SLC5A10: variants seen among roughly 807,000 people sequenced by gnomAD.
The protein encoded by SLC5A10 is solute carrier family 5 member 10, also known as sodium/mannose cotransporter SLC5A10.
A neutral mutation model predicts 68.9 loss-of-function variants in SLC5A10; 55 were observed. That is an observed-to-expected ratio of 0.80 (90% CI 0.64 to 1.00). The LOEUF is 1.00. Ranked by LOEUF, SLC5A10 falls within the 50% of genes least tolerant of loss-of-function variation. The probability of loss-of-function intolerance (pLI) is 0.00; values close to 1 mark genes in which losing one functional copy is unlikely to be tolerated. For synonymous variants in SLC5A10, 344 were observed against 344.8 expected (o/e 1.00, Z 0.02); for missense variants, 732 against 819.3 (o/e 0.89, Z 1.30).
At chr17:18,954,295 G>A (rs1349401060) in intron 1 of SLC5A10, 1 of 152,272 alleles carries the variant, frequency 6.6e-6, no homozygotes, top group East Asian at 1.9e-4. Flanking sequence ...GGCTGTCCTG[G>A]CTAGCACGTC....
At chr17:18,951,177 A>G (rs1010868721), upstream of SLC5A10, among the ~76,000 whole-genome samples, 6 of 152,248 alleles carry the variant, frequency 3.9e-5, no homozygotes, top group Admixed American at 2.6e-4. Context: ...GTCACGAGTC[A>G]TGTCACTGAG....
In SLC5A10 at chr17:19,004,134, C is replaced by T; in HGVS notation, c.983-9276C>T. The T allele has an allele frequency of 6.4e-6, 8 of 1,256,172 alleles. No homozygotes were observed. Among genetic ancestry groups the T allele is most frequent in the Non-Finnish European group, 8.8e-6 (8 of 910,272 alleles). The allele number at this position is 1,256,172 out of a possible 1,614,324, so 77.8% of individuals were successfully genotyped here. Reference sequence around the variant, plus strand: ...GCTGGGGCACCGCGCGCTCGGGGGCCTCTCCGCGGCCTCTGCTTCTCTGCC... The same window carrying T: ...GCTGGGGCACCGCGCGCTCGGGGGCTTCTCCGCGGCCTCTGCTTCTCTGCC... On this transcript the variant is annotated intron_variant, in intron 9 of 14. Coordinates refer to ENST00000395645, the MANE Select transcript of SLC5A10 (RefSeq NM_001042450.4). This position sits in a 1 kb window ranked among gnomAD's most constrained non-coding sequence, Gnocchi z 5.4.
chr17:18,978,746 G>A (rs2043054005), intron 9 of SLC5A10: 1 of 1,612,882 alleles, frequency 6.2e-7, no homozygotes, highest in African/African-American at 1.3e-5. Context: ...CACACTGTGT[G>A]ACATGAGGTA....
intron 5 of SLC5A10, among the ~76,000 whole-genome samples, chr17:18,966,306 T>C (rs944149686): frequency 8.5e-5 from 13 of 152,164 alleles, no homozygotes; most frequent in Non-Finnish European, 1.9e-4. Flanking sequence ...GGTGGCAGCC[T>C]GGAGTGAGGT....
chr17:18,966,771 A>C (rs1172549404), intron 5 of SLC5A10, among the ~76,000 whole-genome samples: 8 of 145,600 alleles, frequency 5.5e-5, no homozygotes, highest in African/African-American at 7.8e-5. Context: ...AAAAAACAAC[A>C]CTCTGCGGTT....
rs1863892473 is a variant in SLC5A10 at position 19,004,132 on chromosome 17, G to A, written c.983-9278G>A. On this transcript the variant is annotated intron_variant, in intron 9 of 14. Coordinates refer to ENST00000395645, the MANE Select transcript of SLC5A10 (RefSeq NM_001042450.4). This position sits in a 1 kb window ranked among gnomAD's most constrained non-coding sequence, Gnocchi z 5.4. ...CAGCTGGGGCACCGCGCGCTCGGGG[G>A]CCTCTCCGCGGCCTCTGCTTCTCTG... The A allele has an allele frequency of 1.6e-6, 2 of 1,273,574 alleles. No individual in the cohort carries two copies. The highest frequency in any genetic ancestry group is 2.2e-6 in the Non-Finnish European group (2 of 925,912). The allele number at this position is 1,273,574 out of a possible 1,614,324, so 78.9% of individuals were successfully genotyped here. A position where few individuals can be genotyped will look rare whatever the true frequency, so the allele number is the denominator to read the frequency against.
intron 8 of SLC5A10, among the ~76,000 whole-genome samples, chr17:18,974,574 G>A (rs1383906225): frequency 2.0e-5 from 3 of 152,196 alleles, no homozygotes; most frequent in South Asian, 2.1e-4. Context: ...CCCTTAGTCA[G>A]TAGCAGCCAC....
At position 19,019,389 on chromosome 17, in the gene SLC5A10, C is replaced by T. The variant is rs369922407; in HGVS notation, c.1242-34C>T. 5.4e-5 allele frequency: 86 copies of T among 1,590,610 alleles called. 1 individual carries two copies. The Middle Eastern group carries it at 1.7e-3, about 32-fold the overall frequency. On this transcript the variant is annotated intron_variant, in intron 11 of 14. Coordinates refer to ENST00000395645, the MANE Select transcript of SLC5A10 (RefSeq NM_001042450.4). ...TGGGAGAGAGCTGAAGAGCCTCCCA[C>T]GACGACCGCTGCCTGCCTTCCACTC...
chr17:18,959,256 T>TGGCGGCCTGTGGGAGGGCC lies in SLC5A10; in HGVS notation c.288+18_288+36dup. On this transcript the variant is annotated intron_variant, in intron 3 of 14. Coordinates refer to ENST00000395645, the MANE Select transcript of SLC5A10 (RefSeq NM_001042450.4). ...GAGTGGAATGTGAGTCCTGGAGGACTGGCGGCCTGTGGGAGGGCCAGGGCA... is the reference window on the plus strand; with the variant it reads ...GAGTGGAATGTGAGTCCTGGAGGACTGGCGGCCTGTGGGAGGGCCGGCGGCCTGTGGGAGGGCCAGGGCA... 6.2e-7 allele frequency: 1 copy of TGGCGGCCTGTGGGAGGGCC among 1,611,030 alleles called. No homozygotes were observed. The highest frequency in any genetic ancestry group is 1.1e-5 in the South Asian group (1 of 91,014).
In SLC5A10 at chr17:19,022,261, C is replaced by G. The variant is rs187397886; in HGVS notation, c.*1830C>G. On this transcript the variant is annotated 3_prime_UTR_variant, in exon 15 of 15. Transcript: ENST00000395645. ...GGTGAGGAGGGGTCTCGGGCAGCAC[C>G]GGAGTTGAACTTTAAGTCCAGATCA... 1 of 547,372 alleles carries G rather than the reference C, an allele frequency of 1.8e-6. No homozygotes were observed. The highest frequency in any genetic ancestry group is 2.0e-5 in the African/African-American group (1 of 50,382). The allele number at this position is 547,372 out of a possible 1,614,324, so 33.9% of individuals were successfully genotyped here. A position where few individuals can be genotyped will look rare whatever the true frequency, so the allele number is the denominator to read the frequency against.
chr17:18,960,946 T>C (rs2042602310), intron 5 of SLC5A10, among the ~76,000 whole-genome samples: 1 of 152,148 alleles, frequency 6.6e-6, no homozygotes. Context: ...GTTCTCGGTC[T>C]GAGGTCAGTT....
intron 10 of SLC5A10, among the ~76,000 whole-genome samples, chr17:19,014,496 C>A (rs1338450250): frequency 6.6e-6 from 1 of 152,192 alleles, no homozygotes; most frequent in African/African-American, 2.4e-5. Flanking sequence ...ATTCCAGAGA[C>A]TGGGGCACTG....
At position 19,013,465 on chromosome 17, in the gene SLC5A10, C is replaced by G; in HGVS notation, c.1038C>G (p.Val346=). Residue 346 remains valine (V), a synonymous_variant, in exon 10 of 15, where the codon GTC becomes GTG. Coordinates refer to ENST00000395645, the MANE Select transcript of SLC5A10 (RefSeq NM_001042450.4). ...GCCTGCGGGCCTGCGGGGCCGAGGTCGGCTGCTCCAACATCGCCTACCCCA... is the reference window on the plus strand; with the variant it reads ...GCCTGCGGGCCTGCGGGGCCGAGGTGGGCTGCTCCAACATCGCCTACCCCA... ...SECLRACGAE[V]GCSNIAYPKL... is the part of the protein sequence containing the mutation. 6.2e-7 allele frequency: 1 copy of G among 1,603,706 alleles called. No individual in the cohort carries two copies. Among genetic ancestry groups the G allele is most frequent in the East Asian group, 2.3e-5 (1 of 44,174 alleles).
chr17:18,977,503 C>T, intron 9 of SLC5A10: 3 of 1,361,104 alleles, frequency 2.2e-6, no homozygotes, highest in Non-Finnish European at 3.0e-6. Flanking sequence ...GACATGGTAG[C>T]CCAGAAGACA....
chr17:18,994,541 GGAACCACTGGAAAGGGGAGGCTGAGCAGA>G (rs1420785570), intron 9 of SLC5A10, among the ~76,000 whole-genome samples: 1 of 152,172 alleles, frequency 6.6e-6, no homozygotes, highest in Non-Finnish European at 1.5e-5. Context: ...GGCTGAGCAG[GGAACCACTGGAAAGGGGAGGCTGAGCAGA>G]GAACCACCGG....
intron 9 of SLC5A10, among the ~76,000 whole-genome samples, chr17:19,008,407 G>A (rs746720275): frequency 1.3e-5 from 2 of 151,752 alleles, no homozygotes; most frequent in Non-Finnish European, 2.9e-5. Flanking sequence ...GTTAATTTTT[G>A]TATAAGGTGT....
chr17:18,978,836 G>A (rs1453670340), intron 9 of SLC5A10: 1 of 1,611,920 alleles, frequency 6.2e-7, no homozygotes, highest in Non-Finnish European at 8.5e-7. Flanking sequence ...CGTCCGCGCG[G>A]CCGACCACGT....
At chr17:19,006,274 C>T (rs185654492) in intron 9 of SLC5A10, among the ~76,000 whole-genome samples, 143 of 152,304 alleles carry the variant, frequency 9.4e-4, no homozygotes, top group Non-Finnish European at 2.9e-4. Flanking sequence ...GTCACCTAGG[C>T]TGGAGTGCAG....
chr17:18,987,701 C>G (rs371970503), intron 9 of SLC5A10, among the ~76,000 whole-genome samples: 116 of 152,370 alleles, frequency 7.6e-4, no homozygotes, highest in African/African-American at 2.7e-3. Context: ...CTCCTCTGCT[C>G]TTGTGCCTTA....
Sources: allele counts gnomAD v4.1 joint callset (sites outside exome capture counted in the v4.1 genomes callset), GRCh38; gene constraint gnomAD v4.1.1; non-coding constraint Gnocchi (gnomAD v3.1); transcripts MANE v1.5; gene names NCBI Gene and HGNC (gene_info 2026-07-23, HGNC 2026-07-21).